SAMD14: variants seen among roughly 807,000 people sequenced by gnomAD.
The protein encoded by SAMD14 is sterile alpha motif domain-containing protein 14.
Under a neutral mutation model 46.2 loss-of-function variants are expected in SAMD14, and 27 were observed. That is an observed-to-expected ratio of 0.58 (90% CI 0.43 to 0.81). SAMD14 has a LOEUF of 0.81. Ranked by LOEUF, SAMD14 falls within the 30% of genes least tolerant of loss-of-function variation. SAMD14 has a pLI of 0.00. For missense variants in SAMD14, 559 were observed against 582.2 expected (o/e 0.96, Z 0.41); for synonymous variants, 241 against 254.3 (o/e 0.95, Z 0.50).
At chr17:50,122,590 T>C (rs564316522) in intron 2 of SAMD14, among the ~76,000 whole-genome samples, 2 of 152,330 alleles carry the variant, frequency 1.3e-5, no homozygotes, top group South Asian at 4.1e-4. Context: ...AGTGATTTTG[T>C]CTGGCTTGTT....
At chr17:50,128,360 A>T (rs73332667) in intron 1 of SAMD14, among the ~76,000 whole-genome samples, 5,464 of 151,718 alleles carry the variant, frequency 0.036, 184 homozygotes, top group African/African-American at 0.089. Flanking sequence ...CCCTCCCTAC[A>T]TTGTGTCCAG....
Position 50,116,466 on chromosome 17 carries a change from C to T in SAMD14, c.500-376G>A, listed in dbSNP as rs565037674. On this transcript the variant is annotated intron_variant, in intron 4 of 9. Coordinates refer to ENST00000330175, the MANE Select transcript of SAMD14 (RefSeq NM_001257359.2). Reference sequence around the variant, plus strand: ...TGTTGCCCAGGCTGGAGTGCAATGGCGTGATCTTGGCTCACTGCAACTTCC... The same window carrying T: ...TGTTGCCCAGGCTGGAGTGCAATGGTGTGATCTTGGCTCACTGCAACTTCC... 1.1e-3 allele frequency among the ~76,000 whole-genome samples: 158 copies of T among 140,886 alleles called. 1 individual carries two copies. The highest frequency in any genetic ancestry group is 4.0e-3 in the African/African-American group (147 of 36,986). 92.4% of individuals were successfully genotyped at this position (140,886 alleles called of 152,430 possible). A position where few individuals can be genotyped will look rare whatever the true frequency, so the allele number is the denominator to read the frequency against.
chr17:50,120,451 A>C (rs1359219709), intron 2 of SAMD14, among the ~76,000 whole-genome samples: 1 of 152,126 alleles, frequency 6.6e-6, no homozygotes, highest in Non-Finnish European at 1.5e-5. Flanking sequence ...GATTATTACA[A>C]ACAGCCTCCT....
chr17:50,110,224 A>G lies in SAMD14; in HGVS notation c.*2669T>C, dbSNP rs1327439622. On this transcript the variant is annotated 3_prime_UTR_variant, in exon 10 of 10. Transcript: ENST00000330175. ...TCCCTGATGACCAGGTTCTGTCTCT[A>G]TGGAAGTCACTGCGGTGATAGGTCT... The G allele has an allele frequency of 9.3e-6, 10 of 1,074,524 alleles. No homozygotes were observed. Among genetic ancestry groups the G allele is most frequent in the South Asian group, 1.7e-5 (1 of 58,630 alleles). 66.6% of individuals were successfully genotyped at this position (1,074,524 alleles called of 1,614,324 possible).
rs868031335 is a variant in SAMD14 at position 50,110,220 on chromosome 17, C to T, written c.*2673G>A. On this transcript the variant is annotated 3_prime_UTR_variant, in exon 10 of 10. Transcript: ENST00000330175. ...GTTCTCCCTGATGACCAGGTTCTGT[C>T]TCTATGGAAGTCACTGCGGTGATAG... 109 of 1,119,276 alleles carry T rather than the reference C, an allele frequency of 9.7e-5. No homozygotes were observed. The Middle Eastern group carries it at 4.9e-3, about 50-fold the overall frequency. The allele number at this position is 1,119,276 out of a possible 1,614,324, so 69.3% of individuals were successfully genotyped here. A position where few individuals can be genotyped will look rare whatever the true frequency, so the allele number is the denominator to read the frequency against.
chr17:50,127,049 G>C (rs999794140), intron 1 of SAMD14, among the ~76,000 whole-genome samples: 8 of 150,604 alleles, frequency 5.3e-5, no homozygotes, highest in African/African-American at 1.7e-4. Context: ...GCAGTGAGCC[G>C]ACATCATGCC....
chr17:50,117,661 A>C lies in SAMD14; in HGVS notation c.245T>G (p.Leu82Arg). The C allele has an allele frequency of 1.3e-6, 2 of 1,542,692 alleles. No homozygotes were observed. Among genetic ancestry groups the C allele is most frequent in the Non-Finnish European group, 1.7e-6 (2 of 1,155,328 alleles). Residue 82 changes from leucine to arginine, a missense_variant, in exon 4 of 10, where the codon CTG (leucine) becomes CGG (arginine). Transcript: ENST00000330175. ...TDGCGSPLHRLRSPLHSGPGS... is the reference protein window; with the variant it reads ...TDGCGSPLHRRRSPLHSGPGS... Reference sequence around the variant, plus strand: ...CGGGCCTGAGTGCAAAGGCGAGCGCAGCCGGTGCAGGGGGCTCCCGCAGCC... The same window carrying C: ...CGGGCCTGAGTGCAAAGGCGAGCGCCGCCGGTGCAGGGGGCTCCCGCAGCC...
At chr17:50,117,302 AC>A in intron 4 of SAMD14, 104 bp downstream of exon 4, 1 of 1,130,514 alleles carries the variant, frequency 8.8e-7, no homozygotes, top group Non-Finnish European at 1.1e-6. Flanking sequence ...TCCCCCAGCC[AC>A]CCTGCTCAGC....
chr17:50,117,348 G>C, intron 4 of SAMD14, 59 bp downstream of exon 4: 1 of 1,261,224 alleles, frequency 7.9e-7, no homozygotes, highest in Middle Eastern at 3.0e-4. Flanking sequence ...CGCCGGGACC[G>C]GGAGGGCTGC....
intron 1 of SAMD14, 72 bp from the exon 2 acceptor site, chr17:50,125,043 G>T: frequency 1.4e-6 from 2 of 1,425,416 alleles, no homozygotes; most frequent in Non-Finnish European, 2.0e-6. Flanking sequence ...CGAGGCAGAA[G>T]AGATGTGGAA....
In SAMD14 at chr17:50,116,058, C is replaced by T. The variant is rs749565302; in HGVS notation, c.532G>A (p.Ala178Thr). 61 of 1,613,768 alleles carry T rather than the reference C, an allele frequency of 3.8e-5. No homozygotes were observed. Among genetic ancestry groups the T allele is most frequent in the East Asian group, 6.7e-5 (3 of 44,878 alleles). Reference protein sequence around the residue: ...DSRDASPPEPASPTIGLDKKT... With the variant: ...DSRDASPPEPTSPTIGLDKKT... ...TTATCGAGGCCGATGGTGGGGCTGG[C>T]GGGCTCAGGAGGACTGGCGTCACGG... is the stretch of plus-strand genomic sequence containing the variant. Residue 178 changes from alanine to threonine, a missense_variant, in exon 5 of 10, where the codon GCC (alanine) becomes ACC (threonine). Coordinates refer to ENST00000330175, the MANE Select transcript of SAMD14 (RefSeq NM_001257359.2).
Position 50,129,301 on chromosome 17 carries a change from G to C in SAMD14, c.-13+216C>G, listed in dbSNP as rs1911923559. 6.6e-6 allele frequency among the ~76,000 whole-genome samples: 1 copy of C among 152,016 alleles called. No individual in the cohort carries two copies. Among genetic ancestry groups the C allele is most frequent in the Non-Finnish European group, 1.5e-5 (1 of 67,986 alleles). ...ACACCAGCTTTTTATTAATTTCTCC[G>C]GGCGTCGGGCGGGAGGGAGGGGATT... On this transcript the variant is annotated intron_variant, in intron 1 of 9. Coordinates refer to ENST00000330175, the MANE Select transcript of SAMD14 (RefSeq NM_001257359.2). This position sits in a 1 kb window ranked among gnomAD's most constrained non-coding sequence, Gnocchi z 5.6.
intron 2 of SAMD14, 91 bp downstream of exon 2, chr17:50,124,826 G>T: frequency 1.7e-6 from 2 of 1,210,112 alleles, no homozygotes; most frequent in East Asian, 2.5e-5. Flanking sequence ...CTGCCAAGAA[G>T]CACCCTATCC....
At chr17:50,128,917 G>A (rs763195356) in intron 1 of SAMD14, among the ~76,000 whole-genome samples, 61 of 152,362 alleles carry the variant, frequency 4.0e-4, no homozygotes, top group Admixed American at 2.0e-4. Context: ...CCTTCGGGCA[G>A]GCGATAGGAA....
intron 1 of SAMD14, among the ~76,000 whole-genome samples, chr17:50,126,552 G>T (rs1051973905): frequency 1.3e-5 from 2 of 151,920 alleles, no homozygotes; most frequent in African/African-American, 4.8e-5. Flanking sequence ...TGATCCACCC[G>T]CCTCGGCCTC....
At position 50,113,053 on chromosome 17, in the gene SAMD14, GGAGGAGTCCGGGGT is replaced by G. The variant is rs1404237531; in HGVS notation, c.1099-19_1099-6del. On this transcript the variant is annotated splice_region_variant and splice_polypyrimidine_tract_variant and intron_variant, in intron 9 of 9. Transcript: ENST00000330175. Reference sequence around the variant, plus strand: ...AGAGTTGCTGAGCCCCAGGCTCTGGGGAGGAGTCCGGGGTGAGGGAGAGAGTCCCAGAACCTTCC... The same window carrying G: ...AGAGTTGCTGAGCCCCAGGCTCTGGGGAGGGAGAGAGTCCCAGAACCTTCC... 1.2e-6 allele frequency: 2 copies of G among 1,610,950 alleles called. No homozygotes were observed. Among genetic ancestry groups the G allele is most frequent in the East Asian group, 4.5e-5 (2 of 44,880 alleles).
rs1911148899 is a variant in SAMD14, at chr17:50,115,665, A to G, written c.721T>C (p.Phe241Leu). The part of the protein sequence containing the change: ...GGSPFLPFSW[F>L]TDSGKGSASS... ...GCTGAGCCCTTGCCGCTGTCCGTGAACCAGGAAAAAGGCAGGAACGGGGAG... is the reference window on the plus strand; with the variant it reads ...GCTGAGCCCTTGCCGCTGTCCGTGAGCCAGGAAAAAGGCAGGAACGGGGAG... The change falls in exon 7 of 10, where the codon TTC (phenylalanine) becomes CTC (leucine). Residue 241 changes from phenylalanine (F) to leucine (L), a missense_variant. Coordinates refer to ENST00000330175, the MANE Select transcript of SAMD14 (RefSeq NM_001257359.2). This position sits in a 1 kb window ranked among gnomAD's most constrained non-coding sequence, Gnocchi z 5.3. 4 of 1,608,984 alleles carry G rather than the reference A, an allele frequency of 2.5e-6. No homozygotes were observed. The highest frequency in any genetic ancestry group is 3.4e-6 in the Non-Finnish European group (4 of 1,176,826).
In SAMD14 at chr17:50,119,162, T is replaced by C. The variant is rs148448059; in HGVS notation, c.44-835A>G. Among the ~76,000 whole-genome samples, 4 of 152,290 alleles carry C rather than the reference T, an allele frequency of 2.6e-5. No individual in the cohort carries two copies. In the East Asian group the frequency reaches 7.7e-4, roughly 29 times the overall value. ...GCCCCATAGTCCCCGAAACCTCTCT[T>C]CTGTCCTGGGTCTGTGGCCCTGTGC... On this transcript the variant is annotated intron_variant, in intron 2 of 9. Coordinates refer to ENST00000330175, the MANE Select transcript of SAMD14 (RefSeq NM_001257359.2).
chr17:50,117,572 C>G lies in SAMD14; in HGVS notation c.334G>C (p.Asp112His). Residue 112 changes from aspartate to histidine, a missense_variant, in exon 4 of 10, where the codon GAC (aspartate) becomes CAC (histidine). By Grantham distance (81) the Asp-to-His change is moderately conservative (BLOSUM62 -1). Coordinates refer to ENST00000330175, the MANE Select transcript of SAMD14 (RefSeq NM_001257359.2). ...PPGLRRSLDE[D>H]EPPPSPLTRY... ...GTGAGCGGCGAGGGCGGCGGCTCGT[C>G]CTCGTCCAGGCTGCGCCGCAACCCC... The G allele has an allele frequency of 6.4e-7, 1 of 1,551,432 alleles. No individual in the cohort carries two copies. Among genetic ancestry groups the G allele is most frequent in the Non-Finnish European group, 8.6e-7 (1 of 1,158,926 alleles).
Sources: gnomAD v4.1 joint callset for allele counts (sites outside exome capture counted in the v4.1 genomes callset) on GRCh38, gnomAD v4.1.1 for gene constraint, Gnocchi (gnomAD v3.1) non-coding constraint, MANE v1.5 for transcripts, NCBI Gene and HGNC (gene_info 2026-07-23, HGNC 2026-07-21) for gene names.